Variants in ADSS2 observed in about 807,000 individuals in gnomAD.
ADSS2 encodes the protein adenylosuccinate synthase 2, also known as adenylosuccinate synthetase isozyme 2.
ADSS2 carries 30 observed loss-of-function variants against 60.0 expected under a neutral mutation model. The ratio of observed to expected loss-of-function variants is 0.50; its 90% CI spans 0.37 to 0.68. The LOEUF (loss-of-function observed/expected upper bound fraction) is 0.68. Ranked by LOEUF, ADSS2 falls within the 30% of genes least tolerant of loss-of-function variation. The pLI, the probability that ADSS2 is intolerant of heterozygous loss-of-function variation, is 0.00. For synonymous variants in ADSS2, 187 were observed against 193.1 expected (o/e 0.97, Z 0.26); for missense variants, 373 against 554.8 (o/e 0.67, Z 3.29).
At chr1:244,413,382 C>T (rs945978651) in intron 11 of ADSS2, among the ~76,000 whole-genome samples, 5 of 152,192 alleles carry the variant, frequency 3.3e-5, no homozygotes, top group Non-Finnish European at 7.3e-5. Flanking sequence ...TCCCAACCAG[C>T]TCTCAAAATG....
intron 4 of ADSS2, among the ~76,000 whole-genome samples, chr1:244,430,772 A>T (rs1664922383): frequency 6.6e-6 from 1 of 152,242 alleles, no homozygotes; most frequent in East Asian, 1.9e-4. Context: ...ATGCTACAAA[A>T]GTACTTCACA....
chr1:244,424,201 T>C, intron 5 of ADSS2, 120 bp downstream of exon 5: 2 of 1,224,010 alleles, frequency 1.6e-6, no homozygotes, highest in Non-Finnish European at 2.3e-6. Flanking sequence ...ATAATCCTAC[T>C]GATTTTCTCT....
intron 1 of ADSS2, among the ~76,000 whole-genome samples, chr1:244,447,343 T>C (rs551636997): frequency 6.6e-6 from 1 of 152,294 alleles, no homozygotes; most frequent in East Asian, 1.9e-4. Context: ...TTAGAGATAC[T>C]TGTAAACATC....
intron 11 of ADSS2, among the ~76,000 whole-genome samples, chr1:244,413,778 T>C (rs1004331703): frequency 3.9e-5 from 6 of 152,094 alleles, no homozygotes; most frequent in Admixed American, 3.3e-4. Context: ...AAGTCAGTAG[T>C]GCTGCTGAAA....
chr1:244,445,363 T>C (rs1665358923), intron 1 of ADSS2, among the ~76,000 whole-genome samples: 1 of 152,228 alleles, frequency 6.6e-6, no homozygotes, highest in Non-Finnish European at 1.5e-5. Flanking sequence ...ATTAATAACA[T>C]TTTATGCTGT....
Position 244,451,797 on chromosome 1 carries a change from G to A in ADSS2, c.21C>T (p.Tyr7=). The A allele has an allele frequency of 6.3e-7, 1 of 1,593,700 alleles. No individual in the cohort carries two copies. The highest frequency in any genetic ancestry group is 8.5e-7 in the Non-Finnish European group (1 of 1,171,524). The part of the protein sequence containing the change: MAFAET[Y]PAASSLPNGD... ...CGTTGGGCAGGGAGGATGCCGCCGG[G>A]TAGGTCTCGGCGAACGCCATGGCTC... Residue 7 remains tyrosine, a synonymous_variant, in exon 1 of 13, where the codon TAC becomes TAT. Coordinates refer to ENST00000366535, the MANE Select transcript of ADSS2 (RefSeq NM_001126.5). The surrounding 1 kb of genome is among the most constrained non-coding windows in gnomAD (Gnocchi z 6.6).
chr1:244,429,266 TC>T (rs1204668232), intron 4 of ADSS2, among the ~76,000 whole-genome samples: 1 of 152,238 alleles, frequency 6.6e-6, no homozygotes, highest in African/African-American at 2.4e-5. Context: ...TATAGTTTTT[TC>T]CATTGTACTA....
chr1:244,412,519 C>A (rs1002055414), intron 11 of ADSS2, among the ~76,000 whole-genome samples: 2 of 152,160 alleles, frequency 1.3e-5, no homozygotes, highest in Non-Finnish European at 2.9e-5. Context: ...CACTGAGATT[C>A]GAGCACGGTG....
At chr1:244,421,556 C>T (rs1664675949) in intron 7 of ADSS2, among the ~76,000 whole-genome samples, 1 of 152,192 alleles carries the variant, frequency 6.6e-6, no homozygotes, top group African/African-American at 2.4e-5. Context: ...ATCTTCTTAC[C>T]TAATTCTATT....
rs6679230 is a variant in ADSS2 at position 244,424,427 on chromosome 1, A to C, written c.407-40T>G. On this transcript the variant is annotated intron_variant, in intron 4 of 12. Coordinates refer to ENST00000366535, the MANE Select transcript of ADSS2 (RefSeq NM_001126.5). ...AACCACAGTTGTTGAAACAAAGATA[A>C]TACACAAAAGCAAAATCCACCGCAT... The C allele has an allele frequency of 0.043, 67,871 of 1,579,336 alleles. 5,086 individuals carry two copies. Among genetic ancestry groups the C allele is most frequent in the East Asian group, 0.41 (18,150 of 44,462 alleles).
chr1:244,416,568 C>T (rs1664538664), intron 10 of ADSS2, among the ~76,000 whole-genome samples: 1 of 152,164 alleles, frequency 6.6e-6, no homozygotes, highest in Non-Finnish European at 1.5e-5. Context: ...GATCCTCCTG[C>T]CTCTCGGCCT....
rs1174935706 is a variant in ADSS2, at chr1:244,437,676, A to G, written c.276T>C (p.Thr92=). ...AGTTTATATACTTACCAATGAATGC[A>G]GTGACATTTGGATTAATTATTCCAC... ...LPSGIINPNV[T]AFIGNGVVIH... The change falls in exon 2 of 13, where the codon ACT becomes ACC. Residue 92 remains threonine (T), a synonymous_variant. Coordinates refer to ENST00000366535, the MANE Select transcript of ADSS2 (RefSeq NM_001126.5). 1 of 1,582,238 alleles carries G rather than the reference A, an allele frequency of 6.3e-7. No individual in the cohort carries two copies.
chr1:244,450,547 C>T (rs955615139), intron 1 of ADSS2, among the ~76,000 whole-genome samples: 2 of 152,240 alleles, frequency 1.3e-5, no homozygotes, highest in African/African-American at 2.4e-5. Context: ...AGAACATATA[C>T]AGCATGGCAC....
intron 1 of ADSS2, among the ~76,000 whole-genome samples, chr1:244,447,195 C>T (rs948416467): frequency 2.0e-5 from 3 of 152,180 alleles, no homozygotes; most frequent in Non-Finnish European, 4.4e-5. Flanking sequence ...CTCATCCACA[C>T]TAATCTTTGG....
rs73129737 is a variant in ADSS2 at position 244,442,778 on chromosome 1, A to G, written c.184-5010T>C. Among the ~76,000 whole-genome samples, 832 of 152,320 alleles carry G rather than the reference A, an allele frequency of 5.5e-3. 15 individuals carry two copies. The highest frequency in any genetic ancestry group is 0.018 in the African/African-American group (751 of 41,554). On this transcript the variant is annotated intron_variant, in intron 1 of 12. Coordinates refer to ENST00000366535, the MANE Select transcript of ADSS2 (RefSeq NM_001126.5). ...TTTATAAAATGCAACAGATAAAGAA[A>G]TTTGAAGTGCCCATTTGGATGTTAA...
At chr1:244,420,863 A>G (rs1664658136) in intron 7 of ADSS2, among the ~76,000 whole-genome samples, 1 of 151,518 alleles carries the variant, frequency 6.6e-6, no homozygotes, top group Non-Finnish European at 1.5e-5. Context: ...TGACCACCTA[A>G]ATTTTTTTCT....
At chr1:244,437,376 A>G (rs1665131985) in intron 2 of ADSS2, among the ~76,000 whole-genome samples, 1 of 152,196 alleles carries the variant, frequency 6.6e-6, no homozygotes, top group Non-Finnish European at 1.5e-5. Flanking sequence ...TGGAAAAAAA[A>G]GTATTTGGAA....
At chr1:244,444,263 C>T (rs967309543) in intron 1 of ADSS2, among the ~76,000 whole-genome samples, 2 of 151,666 alleles carry the variant, frequency 1.3e-5, no homozygotes, top group African/African-American at 4.8e-5. Context: ...CGCCTGTAAT[C>T]CCAGCACTTT....
chr1:244,424,530 AG>A, intron 4 of ADSS2, 143 bp from the exon 5 acceptor site: 1 of 625,290 alleles, frequency 1.6e-6, no homozygotes, highest in Non-Finnish European at 2.8e-6. Context: ...AAGTGATGAT[AG>A]AAGTTTATAA....
Sources: gnomAD v4.1 joint callset for allele counts (sites outside exome capture counted in the v4.1 genomes callset) on GRCh38, gnomAD v4.1.1 for gene constraint, Gnocchi (gnomAD v3.1) non-coding constraint, MANE v1.5 for transcripts, NCBI Gene and HGNC (gene_info 2026-07-23, HGNC 2026-07-21) for gene names.